The following ITGA8 variants were observed in gnomAD, a reference collection of about 807,000 sequenced individuals.
ITGA8 encodes the protein integrin subunit alpha 8.
A neutral mutation model predicts 142.3 loss-of-function variants in ITGA8; 91 were observed. The ratio of observed to expected loss-of-function variants is 0.64; its 90% confidence interval spans 0.54 to 0.76. ITGA8 has a LOEUF of 0.76. ITGA8 is among the 30% of genes least tolerant of loss of function. The pLI, the probability that ITGA8 is intolerant of heterozygous loss-of-function variation, is 0.00. For synonymous variants in ITGA8, 505 were observed against 485.2 expected (o/e 1.04, Z -0.54); for missense variants, 1,406 against 1,327.7 (o/e 1.06, Z -0.92).
At chr10:15,541,321 C>G (rs1833564612) in intron 27 of ITGA8, among the ~76,000 whole-genome samples, 1 of 152,166 alleles carries the variant, frequency 6.6e-6, no homozygotes, top group African/African-American at 2.4e-5. Context: ...GGGCTAAGCC[C>G]CAATTTTGGG....
intron 25 of ITGA8, among the ~76,000 whole-genome samples, chr10:15,562,331 G>A (rs147077682): frequency 9.2e-5 from 14 of 152,334 alleles, no homozygotes; most frequent in African/African-American, 2.6e-4. Flanking sequence ...GTGAACGTGC[G>A]CCCCGACATC....
intron 21 of ITGA8, among the ~76,000 whole-genome samples, chr10:15,594,491 G>A (rs1226788258): frequency 6.6e-6 from 1 of 152,046 alleles, no homozygotes; most frequent in South Asian, 2.1e-4. Flanking sequence ...AATAAAAATT[G>A]CCAAAACAGG....
chr10:15,645,488 G>C (rs1234514025), intron 12 of ITGA8, among the ~76,000 whole-genome samples: 1 of 152,154 alleles, frequency 6.6e-6, no homozygotes, highest in Admixed American at 6.5e-5. Flanking sequence ...AGAGTAGCAA[G>C]TCACTTAAAG....
intron 2 of ITGA8, among the ~76,000 whole-genome samples, chr10:15,700,164 G>C (rs1456488288): frequency 6.6e-6 from 1 of 152,166 alleles, no homozygotes; most frequent in African/African-American, 2.4e-5. Flanking sequence ...CAGTGGCAGA[G>C]ATACTTTTCT....
intron 26 of ITGA8, among the ~76,000 whole-genome samples, chr10:15,556,808 C>T (rs998751280): frequency 1.3e-5 from 2 of 152,174 alleles, no homozygotes; most frequent in African/African-American, 2.4e-5. Flanking sequence ...TTCATTCTAT[C>T]TAACTATATT....
intron 8 of ITGA8, among the ~76,000 whole-genome samples, chr10:15,661,803 G>A (rs1210951017): frequency 6.6e-6 from 1 of 152,166 alleles, no homozygotes; most frequent in Non-Finnish European, 1.5e-5. Flanking sequence ...GCATGCTCTT[G>A]AATCATAAAA....
intron 28 of ITGA8, among the ~76,000 whole-genome samples, chr10:15,526,439 G>C (rs1307841698): frequency 6.6e-6 from 1 of 152,080 alleles, no homozygotes; most frequent in Admixed American, 6.6e-5. Flanking sequence ...GCCTCCCAAA[G>C]TGCTGGGATT....
intron 15 of ITGA8, 152 bp from the exon 16 acceptor site, chr10:15,608,442 C>T (rs1403891478): frequency 2.2e-5 from 12 of 538,806 alleles, no homozygotes; most frequent in Non-Finnish European, 2.9e-5. Context: ...CACACCCCTT[C>T]TACCAATTGA....
At chr10:15,631,159 G>A (rs571971518) in intron 13 of ITGA8, among the ~76,000 whole-genome samples, 25 of 152,066 alleles carry the variant, frequency 1.6e-4, no homozygotes, top group African/African-American at 5.1e-4. Flanking sequence ...ACAGTGTGGC[G>A]ATTCCTCAAG....
chr10:15,638,412 C>A (rs917652907), intron 13 of ITGA8, among the ~76,000 whole-genome samples: 1 of 152,164 alleles, frequency 6.6e-6, no homozygotes, highest in Non-Finnish European at 1.5e-5. Context: ...AATGTGTATG[C>A]CCTGCCATTA....
Position 15,604,147 on chromosome 10 carries a change from A to G in ITGA8, c.2118+61T>C, listed in dbSNP as rs1833151295. The G allele has an allele frequency of 5.4e-6, 8 of 1,477,166 alleles. 1 individual carries two copies. The South Asian group carries it at 7.6e-5, about 14-fold the overall frequency. 91.5% of individuals were successfully genotyped at this position (1,477,166 alleles called of 1,614,324 possible). A position where few individuals can be genotyped will look rare whatever the true frequency, so the allele number is the denominator to read the frequency against. On this transcript the variant is annotated intron_variant, in intron 20 of 29. Transcript: ENST00000378076. ...CTCTCAGCTAAGATGGCCCTTCTTAACATTTACTTGACTTCAAAAATATAC... is the reference window on the plus strand; with the variant it reads ...CTCTCAGCTAAGATGGCCCTTCTTAGCATTTACTTGACTTCAAAAATATAC...
chr10:15,657,731 T>A (rs1834212964), intron 10 of ITGA8, among the ~76,000 whole-genome samples: 1 of 152,172 alleles, frequency 6.6e-6, no homozygotes, highest in African/African-American at 2.4e-5. Flanking sequence ...TTTTCTCTCC[T>A]CTTCAAATTT....
chr10:15,695,971 C>G (rs1835044039), intron 2 of ITGA8, among the ~76,000 whole-genome samples: 1 of 152,184 alleles, frequency 6.6e-6, no homozygotes, highest in Non-Finnish European at 1.5e-5. Flanking sequence ...ACTTTCACAC[C>G]CTATCCTTGC....
intron 13 of ITGA8, among the ~76,000 whole-genome samples, chr10:15,633,571 C>T (rs1043502549): frequency 6.6e-6 from 1 of 152,038 alleles, no homozygotes; most frequent in Admixed American, 6.5e-5. Flanking sequence ...AGGTGCGCAC[C>T]TCCACACCTG....
chr10:15,660,367 T>C (rs1436271558), intron 9 of ITGA8, among the ~76,000 whole-genome samples: 1 of 152,248 alleles, frequency 6.6e-6, no homozygotes, highest in Admixed American at 6.5e-5. Context: ...CTCCTGCACA[T>C]GGATCAGAAG....
At position 15,678,963 on chromosome 10, in the gene ITGA8, G is replaced by A. The variant is rs2275615; in HGVS notation, c.569-180C>T. On this transcript the variant is annotated intron_variant, in intron 4 of 29. Coordinates refer to ENST00000378076, the MANE Select transcript of ITGA8 (RefSeq NM_003638.3). ...TAATTTATTAAACATATTTCTGTCT[G>A]TTTTCTTACACCAAATAGCGTTGTG... 0.94 allele frequency among the ~76,000 whole-genome samples: 143,651 copies of A among 152,284 alleles called. 68,172 individuals carry two copies. The highest frequency in any genetic ancestry group is 0.99 in the Non-Finnish European group (67,295 of 68,038).
chr10:15,673,360 G>T (rs1207982505), intron 6 of ITGA8, among the ~76,000 whole-genome samples: 3 of 152,104 alleles, frequency 2.0e-5, no homozygotes, highest in African/African-American at 7.2e-5. Context: ...TGGGATTACA[G>T]GTGTGAGCCA....
At chr10:15,616,048 C>T (rs1225150714) in intron 14 of ITGA8, among the ~76,000 whole-genome samples, 2 of 152,196 alleles carry the variant, frequency 1.3e-5, no homozygotes, top group African/African-American at 2.4e-5. Flanking sequence ...GAATCCATAG[C>T]TGTTGTATTT....
intron 25 of ITGA8, among the ~76,000 whole-genome samples, chr10:15,568,733 G>A (rs1023661316): frequency 1.3e-5 from 2 of 152,128 alleles, no homozygotes; most frequent in Non-Finnish European, 1.5e-5. Context: ...TCCTCAATAG[G>A]GCTTTGATGC....
Sources: gnomAD v4.1 joint callset for allele counts (sites outside exome capture counted in the v4.1 genomes callset) on GRCh38, gnomAD v4.1.1 for gene constraint, MANE v1.5 for transcripts, NCBI Gene and HGNC (gene_info 2026-07-23, HGNC 2026-07-21) for gene names.